Variants in ADCY10 observed in about 807,000 individuals in gnomAD.
ADCY10 encodes adenylate cyclase 10.
In ADCY10, 156 loss-of-function variants were observed where a neutral mutation model predicts 183.3. The observed-to-expected ratio is 0.85, with a 90% CI of 0.75 to 0.97. The LOEUF (loss-of-function observed/expected upper bound fraction) is 0.97. ADCY10 is among the 50% of genes least tolerant of loss of function. The pLI, the probability that ADCY10 is intolerant of heterozygous loss-of-function variation, is 0.00. For synonymous variants in ADCY10, 645 were observed against 670.0 expected, an observed-to-expected ratio of 0.96 and a Z score of 0.58; for missense variants, 1,745 against 1,934.3, an observed-to-expected ratio of 0.90 and a Z score of 1.84.
At chr1:167,833,208 T>A in intron 24 of ADCY10, 46 bp from the exon 25 acceptor site, 1 of 1,570,872 alleles carries the variant, frequency 6.4e-7, no homozygotes, top group South Asian at 1.1e-5. Flanking sequence ...AAAACGATGA[T>A]TCTAACTTAA....
intron 7 of ADCY10, among the ~76,000 whole-genome samples, chr1:167,894,257 A>G (rs536433436): frequency 3.9e-4 from 59 of 152,324 alleles, no homozygotes; most frequent in Middle Eastern, 6.8e-3. Flanking sequence ...GATGGGAACA[A>G]ACAAATGAGG....
chr1:167,899,299 A>G lies in ADCY10; in HGVS notation c.642+124T>C, dbSNP rs537704456. On this transcript the variant is annotated intron_variant, in intron 6 of 32. Coordinates refer to ENST00000367851, the MANE Select transcript of ADCY10 (RefSeq NM_018417.6). ...CTAAAGCCTCTGTAGCCTAACCCAG[A>G]CTGACCCCATCCCAATCTCCAGCCC... 3.4e-5 allele frequency: 32 copies of G among 954,588 alleles called. No homozygotes were observed. The South Asian group carries it at 4.4e-4, about 13-fold the overall frequency. 59.1% of individuals were successfully genotyped at this position (954,588 alleles called of 1,614,324 possible).
intron 31 of ADCY10, among the ~76,000 whole-genome samples, chr1:167,815,019 G>A (rs1234493533): frequency 6.6e-6 from 1 of 152,012 alleles, no homozygotes; most frequent in African/African-American, 2.4e-5. Context: ...CAGCTACTCG[G>A]GAGGCTGAGG....
intron 5 of ADCY10, among the ~76,000 whole-genome samples, chr1:167,900,606 C>T (rs945037737): frequency 2.4e-4 from 37 of 151,948 alleles, no homozygotes; most frequent in Admixed American, 2.2e-3. Flanking sequence ...CATCTCGGCT[C>T]ACTGCAACCT....
At chr1:167,851,314 G>A (rs971554072) in intron 18 of ADCY10, among the ~76,000 whole-genome samples, 1 of 151,920 alleles carries the variant, frequency 6.6e-6, no homozygotes, top group Non-Finnish European at 1.5e-5. Context: ...AGCCTCCCAG[G>A]TAGCTGGGAC....
chr1:167,845,229 C>T (rs1664917917), intron 21 of ADCY10, among the ~76,000 whole-genome samples: 2 of 152,150 alleles, frequency 1.3e-5, no homozygotes, highest in Non-Finnish European at 2.9e-5. Context: ...ACCATGTCAT[C>T]ATGTCAGATT....
At chr1:167,885,089 C>T (rs1054134527) in intron 8 of ADCY10, among the ~76,000 whole-genome samples, 8 of 151,832 alleles carry the variant, frequency 5.3e-5, no homozygotes, top group East Asian at 3.9e-4. Flanking sequence ...ATGACCTCCA[C>T]TTCCATCCAC....
chr1:167,893,848 A>T lies in ADCY10; in HGVS notation c.828+5T>A. On this transcript the variant is annotated splice_donor_5th_base_variant and intron_variant, in intron 8 of 32. Coordinates refer to ENST00000367851, the MANE Select transcript of ADCY10 (RefSeq NM_018417.6). ...CAAAGCCAGTAAATTCAATTTTGAA[A>T]ATACCTGCTTCAAAATGCTTTCCAT... 6.2e-7 allele frequency: 1 copy of T among 1,608,138 alleles called. No individual in the cohort carries two copies. Among genetic ancestry groups the T allele is most frequent in the Non-Finnish European group, 8.5e-7 (1 of 1,174,770 alleles).
At chr1:167,876,299 C>G (rs779325357) in intron 12 of ADCY10, among the ~76,000 whole-genome samples, 1 of 151,428 alleles carries the variant, frequency 6.6e-6, no homozygotes, top group Non-Finnish European at 1.5e-5. Context: ...GTTCATTTTG[C>G]CAGTGAGGAA....
rs1341633295 is a variant in ADCY10, at chr1:167,809,833, A to G, written c.4678T>C (p.Trp1560Arg). The G allele has an allele frequency of 1.2e-6, 2 of 1,614,090 alleles. No homozygotes were observed. The change falls in exon 33 of 33, where the codon TGG becomes CGG. Residue 1560 changes from tryptophan to arginine, a missense_variant. Coordinates refer to ENST00000367851, the MANE Select transcript of ADCY10 (RefSeq NM_018417.6). ...KCWLNMNKES[W>R]YSTSELKEDQ... Reference sequence around the variant, plus strand: ...TCTTTTAACTCAGAGGTTGAGTACCATGATTCCTGAGAGGAAAGAAACAGA... The same window carrying G: ...TCTTTTAACTCAGAGGTTGAGTACCGTGATTCCTGAGAGGAAAGAAACAGA...
chr1:167,810,927 A>T lies in ADCY10; in HGVS notation c.4483-14T>A. ...ATTCTCCAAGTTCTAAAGAAAAAAA[A>T]CCCACAACAGTATATTAGAATTAAA... On this transcript the variant is annotated splice_polypyrimidine_tract_variant and intron_variant, in intron 31 of 32. Transcript: ENST00000367851. The T allele has an allele frequency of 6.2e-7, 1 of 1,613,780 alleles. No individual in the cohort carries two copies. The highest frequency in any genetic ancestry group is 8.5e-7 in the Non-Finnish European group (1 of 1,179,696).
At chr1:167,846,930 C>CTT (rs773821027) in intron 19 of ADCY10, among the ~76,000 whole-genome samples, 8 of 145,296 alleles carry the variant, frequency 5.5e-5, no homozygotes, top group Non-Finnish European at 7.6e-5. Context: ...AGTCCATCCT[C>CTT]TTTTTTTTTT....
At chr1:167,880,233 A>C (rs750428257) in intron 10 of ADCY10, 42 bp from the exon 11 acceptor site, 1 of 1,540,122 alleles carries the variant, frequency 6.5e-7, no homozygotes, top group African/African-American at 1.4e-5. Context: ...AGAAATAAAG[A>C]TAATGAGCGT....
rs138752693 is a variant in ADCY10 at position 167,822,788 on chromosome 1, G to T, written c.4168+220C>A. On this transcript the variant is annotated intron_variant, in intron 29 of 32. Transcript: ENST00000367851. ...TTAACTGGCAGCTCATATCCATCAGGTTCCTTCAGACTTAATTCTCCTTCT... is the reference window on the plus strand; with the variant it reads ...TTAACTGGCAGCTCATATCCATCAGTTTCCTTCAGACTTAATTCTCCTTCT... Among the ~76,000 whole-genome samples the T allele has an allele frequency of 5.2e-4, 79 of 152,210 alleles. No individual in the cohort carries two copies. In the East Asian group the frequency reaches 0.012, roughly 24 times the overall value.
At chr1:167,844,350 G>A (rs1222449557) in intron 21 of ADCY10, among the ~76,000 whole-genome samples, 1 of 152,176 alleles carries the variant, frequency 6.6e-6, no homozygotes, top group East Asian at 1.9e-4. Flanking sequence ...AAGGGAGATG[G>A]ACTAGTGTTA....
In ADCY10 at chr1:167,845,721, T is replaced by C. The variant is rs199562109; in HGVS notation, c.2849A>G (p.His950Arg). The change falls in exon 21 of 33, where the codon CAC becomes CGC. Residue 950 changes from histidine (H) to arginine (R), a missense_variant. By Grantham distance (29) the His-to-Arg change is conservative. Transcript: ENST00000367851. ...TTCTAAAAAGCGGGCACATTTCAAG[T>C]GCATGGCTTTTCTCTGGTCCTTGAG... Reference protein sequence around the residue: ...LWLKDQRKAMHLKCARFLEED... With the variant: ...LWLKDQRKAMRLKCARFLEED... The C allele has an allele frequency of 1.2e-6, 2 of 1,614,232 alleles. No homozygotes were observed.
At chr1:167,840,161 G>A (rs544080174) in intron 21 of ADCY10, among the ~76,000 whole-genome samples, 1 of 151,932 alleles carries the variant, frequency 6.6e-6, no homozygotes, top group Admixed American at 6.6e-5. Context: ...GAGCCTGGAA[G>A]TTTGAGGCTG....
intron 23 of ADCY10, among the ~76,000 whole-genome samples, chr1:167,835,845 G>A (rs1004631519): frequency 1.4e-4 from 22 of 152,100 alleles, no homozygotes; most frequent in African/African-American, 3.9e-4. Context: ...AGCAGAGATC[G>A]CGCCACTACA....
chr1:167,815,752 A>C (rs901195768), intron 31 of ADCY10, among the ~76,000 whole-genome samples: 1 of 152,228 alleles, frequency 6.6e-6, no homozygotes, highest in African/African-American at 2.4e-5. Context: ...AACTATGATT[A>C]ATATGCTAAA....
Sources: allele counts gnomAD v4.1 joint callset (sites outside exome capture counted in the v4.1 genomes callset), GRCh38; gene constraint gnomAD v4.1.1; transcripts MANE v1.5; gene names NCBI Gene and HGNC (gene_info 2026-07-23, HGNC 2026-07-21).